FOXK2: variants seen among roughly 807,000 people sequenced by gnomAD.
The protein encoded by FOXK2 is forkhead box protein K2.
FOXK2 carries 24 observed loss-of-function variants against 53.3 expected under a neutral mutation model. The ratio of observed to expected loss-of-function variants is 0.45; its 90% CI spans 0.33 to 0.63. The LOEUF (loss-of-function observed/expected upper bound fraction) is 0.63. Ranked by LOEUF, FOXK2 falls within the 30% of genes least tolerant of loss-of-function variation. The pLI is 0.03. For missense variants in FOXK2, 952 were observed against 910.5 expected (o/e 1.05, Z -0.59); for synonymous variants, 505 against 407.1 (o/e 1.24, Z -2.89).
intron 1 of FOXK2, among the ~76,000 whole-genome samples, chr17:82,554,815 G>A (rs1174906869): frequency 3.3e-5 from 5 of 151,842 alleles, no homozygotes; most frequent in Admixed American, 3.3e-4. Context: ...CTCGATCTGG[G>A]CTCACTGCAA....
chr17:82,540,222 G>A (rs2044561257), intron 1 of FOXK2, among the ~76,000 whole-genome samples: 1 of 151,808 alleles, frequency 6.6e-6, no homozygotes, highest in East Asian at 1.9e-4. Flanking sequence ...TGGAAATTGC[G>A]GTGAGCCGAG....
intron 1 of FOXK2, among the ~76,000 whole-genome samples, chr17:82,560,000 ACTTTTTT>A (rs901874725): frequency 2.6e-5 from 3 of 113,582 alleles, no homozygotes; most frequent in African/African-American, 6.7e-5. Flanking sequence ...CTCTGGATAG[ACTTTTTT>A]TTTTTTTTTT....
At chr17:82,521,848 G>C (rs1279828253) in intron 1 of FOXK2, among the ~76,000 whole-genome samples, 1 of 151,306 alleles carries the variant, frequency 6.6e-6, no homozygotes. Context: ...GCTGAGGCAG[G>C]AGAATGTGAA....
chr17:82,579,153 TTGA>T (rs2045027054), intron 4 of FOXK2, among the ~76,000 whole-genome samples: 1 of 152,232 alleles, frequency 6.6e-6, no homozygotes, highest in South Asian at 2.1e-4. Context: ...TTTGCACTGC[TTGA>T]GGGTTTTATA....
At chr17:82,585,660 G>T (rs1025264010) in intron 6 of FOXK2, among the ~76,000 whole-genome samples, 3 of 152,062 alleles carry the variant, frequency 2.0e-5, no homozygotes, top group Non-Finnish European at 4.4e-5. Flanking sequence ...TGGGAAGAGG[G>T]GTTACCAGAT....
At chr17:82,543,876 A>G (rs1033629042) in intron 1 of FOXK2, among the ~76,000 whole-genome samples, 3 of 147,792 alleles carry the variant, frequency 2.0e-5, no homozygotes, top group African/African-American at 7.5e-5. Context: ...TCCCGGGTTC[A>G]TGCCATTCTC....
intron 1 of FOXK2, among the ~76,000 whole-genome samples, chr17:82,549,264 A>C (rs1286414014): frequency 6.6e-6 from 1 of 152,214 alleles, no homozygotes; most frequent in Non-Finnish European, 1.5e-5. Flanking sequence ...GCCACACCGA[A>C]CTGCAGACCT....
Position 82,571,404 on chromosome 17 carries a change from C to T in FOXK2, c.763-320C>T, listed in dbSNP as rs183651002. Among the ~76,000 whole-genome samples, 594 of 152,088 alleles carry T rather than the reference C, an allele frequency of 3.9e-3. 8 individuals carry two copies. The highest frequency in any genetic ancestry group is 0.013 in the African/African-American group (560 of 41,482). Reference sequence around the variant, plus strand: ...TCACCTGAGGTCAGGAGTTTGAGACCGGCCTGGCCAACATGGTGAAACCCC... The same window carrying T: ...TCACCTGAGGTCAGGAGTTTGAGACTGGCCTGGCCAACATGGTGAAACCCC... On this transcript the variant is annotated intron_variant, in intron 3 of 8. Transcript: ENST00000335255.
chr17:82,564,516 G>A (rs1443546343), intron 2 of FOXK2, among the ~76,000 whole-genome samples: 1 of 151,830 alleles, frequency 6.6e-6, no homozygotes. Context: ...GACAACAGAT[G>A]TGCTCCACTG....
intron 4 of FOXK2, chr17:82,577,404 C>G (rs1402917651): frequency 1.1e-5 from 5 of 449,758 alleles, no homozygotes; most frequent in African/African-American, 6.3e-5. Context: ...ACTGCAGCCC[C>G]GAGCAGGCTC....
At chr17:82,577,723 CTTTTATTTATTTTTG>C (rs1193868190) in intron 4 of FOXK2, among the ~76,000 whole-genome samples, 4 of 152,116 alleles carry the variant, frequency 2.6e-5, no homozygotes, top group African/African-American at 9.7e-5. Context: ...GAGCTGGTTC[CTTTTATTTATTTTTG>C]TTTTATTTAT....
In FOXK2 at chr17:82,555,743, A is replaced by T. The variant is rs553970784; in HGVS notation, c.420-7611A>T. Reference sequence around the variant, plus strand: ...ACTAAAAATACAAAAAAAAAAAAAAATTGGCGTGGGGGCGGGCGCCTGTAG... The same window carrying T: ...ACTAAAAATACAAAAAAAAAAAAAATTTGGCGTGGGGGCGGGCGCCTGTAG... On this transcript the variant is annotated intron_variant, in intron 1 of 8. Coordinates refer to ENST00000335255, the MANE Select transcript of FOXK2 (RefSeq NM_004514.4). 5.2e-3 allele frequency among the ~76,000 whole-genome samples: 781 copies of T among 149,842 alleles called. 5 individuals are homozygous for T. Among genetic ancestry groups the T allele is most frequent in the African/African-American group, 0.018 (745 of 40,910 alleles).
rs138654812 is a variant in FOXK2 at position 82,535,748 on chromosome 17, G to GTTTTTTTTTTTTTTTTTTTTTTTTT, written c.419+15446_419+15447insTTTTTTTTTTTTTTTTTTTTTTTTT. 1.4e-5 allele frequency among the ~76,000 whole-genome samples: 2 copies of GTTTTTTTTTTTTTTTTTTTTTTTTT among 140,108 alleles called. 1 individual carries two copies. The allele number at this position is 140,108 out of a possible 152,430, so 91.9% of individuals were successfully genotyped here. On this transcript the variant is annotated intron_variant, in intron 1 of 8. Coordinates refer to ENST00000335255, the MANE Select transcript of FOXK2 (RefSeq NM_004514.4). ...TTATCTCTTTTAGTTGTGTGTTTTT[G>GTTTTTTTTTTTTTTTTTTTTTTTTT]TTTTTGTTTTTTTTTTGAGATGGAG...
Position 82,533,039 on chromosome 17 carries a change from T to TC in FOXK2, c.419+12734dup, listed in dbSNP as rs2044487029. Among the ~76,000 whole-genome samples the TC allele has an allele frequency of 3.3e-5, 5 of 152,336 alleles. No homozygotes were observed. The South Asian group carries it at 1.0e-3, about 32-fold the overall frequency. On this transcript the variant is annotated intron_variant, in intron 1 of 8. Transcript: ENST00000335255. ...ACTGTCTTCTACCTCCACATCTTGTTCCACTCCAAAGTTCTTAGGGGAAGT... is the reference window on the plus strand; with the variant it reads ...ACTGTCTTCTACCTCCACATCTTGTTCCCACTCCAAAGTTCTTAGGGGAAGT...
chr17:82,547,656 A>G (rs1218756977), intron 1 of FOXK2, among the ~76,000 whole-genome samples: 1 of 151,660 alleles, frequency 6.6e-6, no homozygotes, highest in Non-Finnish European at 1.5e-5. Context: ...CACATAAAAC[A>G]AACTTAAGGG....
intron 1 of FOXK2, among the ~76,000 whole-genome samples, chr17:82,547,001 C>T (rs775030099): frequency 1.0e-4 from 15 of 150,022 alleles, no homozygotes; most frequent in South Asian, 2.1e-4. Context: ...CACTTGAACC[C>T]GGGAGGTGGA....
In FOXK2 at chr17:82,560,333, G is replaced by A. The variant is rs142976887; in HGVS notation, c.420-3021G>A. ...CTTCTCGCTGTTATTTAAGGGAAGC[G>A]GTCTCACTGTGTGGCACAGGCTGGT... On this transcript the variant is annotated intron_variant, in intron 1 of 8. Coordinates refer to ENST00000335255, the MANE Select transcript of FOXK2 (RefSeq NM_004514.4). 8.3e-3 allele frequency among the ~76,000 whole-genome samples: 1,260 copies of A among 152,170 alleles called. 9 individuals carry two copies. The highest frequency in any genetic ancestry group is 0.014 in the Admixed American group (207 of 15,288).
intron 4 of FOXK2, chr17:82,577,433 A>C (rs2045001850): frequency 2.5e-6 from 1 of 401,886 alleles, no homozygotes; most frequent in African/African-American, 2.1e-5. Flanking sequence ...CCTGTGGCCC[A>C]ACCTGCATGC....
chr17:82,583,271 G>A (rs1389908675), intron 5 of FOXK2, among the ~76,000 whole-genome samples: 4 of 152,204 alleles, frequency 2.6e-5, no homozygotes, highest in Non-Finnish European at 5.9e-5. Context: ...TAGGCCGGGC[G>A]CTGTGGCTCA....
Sources: allele counts gnomAD v4.1 joint callset (sites outside exome capture counted in the v4.1 genomes callset), GRCh38; gene constraint gnomAD v4.1.1; transcripts MANE v1.5; gene names NCBI Gene and HGNC (gene_info 2026-07-23, HGNC 2026-07-21).